Variants in TMPRSS15 observed in about 807,000 individuals in gnomAD.
The protein encoded by TMPRSS15 is transmembrane serine protease 15.
In TMPRSS15, 128 loss-of-function variants were observed where a neutral mutation model predicts 125.3. The observed-to-expected ratio is 1.02, with a 90% CI of 0.89 to 1.18. The LOEUF (loss-of-function observed/expected upper bound fraction) is 1.18. Among genes scored for constraint, TMPRSS15 ranks in the 50% most tolerant of loss-of-function variants. TMPRSS15 has a pLI of 0.00. For synonymous variants in TMPRSS15, 446 were observed against 423.2 expected (o/e 1.05, Z -0.66); for missense variants, 1,283 against 1,212.7 (o/e 1.06, Z -0.86).
intron 18 of TMPRSS15, among the ~76,000 whole-genome samples, chr21:18,300,216 TTCTC>T (rs2074953032): frequency 6.6e-6 from 1 of 150,920 alleles, no homozygotes; most frequent in African/African-American, 2.4e-5. Flanking sequence ...TTCTTTTTCT[TTCTC>T]TCTTTTTCTT....
At chr21:18,305,076 C>G (rs1408076285) in intron 18 of TMPRSS15, among the ~76,000 whole-genome samples, 1 of 151,912 alleles carries the variant, frequency 6.6e-6, no homozygotes, top group African/African-American at 2.4e-5. Flanking sequence ...CTCTAGAATG[C>G]ACCTGAATTA....
chr21:18,279,366 C>T lies in TMPRSS15; in HGVS notation c.2669-307G>A, dbSNP rs530638217. ...TTTGAGACGGAGTCTCACTCGGTCG[C>T]CCAGGCTGGAGTGCAGTGGTGCGAT... is the stretch of plus-strand genomic sequence containing the variant. On this transcript the variant is annotated intron_variant, in intron 22 of 24. Transcript: ENST00000284885. Among the ~76,000 whole-genome samples, 15 of 129,590 alleles carry T rather than the reference C, an allele frequency of 1.2e-4. No individual in the cohort carries two copies. The East Asian group carries it at 2.9e-3, about 25-fold the overall frequency. The allele number at this position is 129,590 out of a possible 152,430, so 85.0% of individuals were successfully genotyped here.
chr21:18,436,206 TC>T (rs1217989055), intron 1 of TMPRSS15, among the ~76,000 whole-genome samples: 4 of 151,076 alleles, frequency 2.6e-5, no homozygotes, highest in Admixed American at 6.6e-5. Flanking sequence ...CTTTTCTAGT[TC>T]TTTTAATTAT....
chr21:18,313,054 T>C lies in TMPRSS15; in HGVS notation c.2056A>G (p.Asn686Asp). Reference sequence around the variant, plus strand: ...CTGAACCGCACTAAACCATTGTTGTTCGTTGTGCCATTGAAAAAACGCACT... The same window carrying C: ...CTGAACCGCACTAAACCATTGTTGTCCGTTGTGCCATTGAAAAAACGCACT... ...DCVRFFNGTTNNNGLVRFRIQ... is the reference protein window; with the variant it reads ...DCVRFFNGTTDNNGLVRFRIQ... Residue 686 changes from asparagine (N) to aspartate (D), a missense_variant, in exon 18 of 25, where the codon AAC becomes GAC. Transcript: ENST00000284885. The C allele has an allele frequency of 6.2e-7, 1 of 1,613,976 alleles. No individual in the cohort carries two copies. Among genetic ancestry groups the C allele is most frequent in the Admixed American group, 1.7e-5 (1 of 59,998 alleles).
intron 6 of TMPRSS15, among the ~76,000 whole-genome samples, chr21:18,369,973 C>CAA (rs148057792): frequency 0.47 from 63,535 of 135,934 alleles, 15,228 homozygotes; most frequent in Middle Eastern, 0.56. Flanking sequence ...CTTACTTAAA[C>CAA]GAAAAAAAAA....
intron 7 of TMPRSS15, among the ~76,000 whole-genome samples, chr21:18,364,757 C>A (rs961456961): frequency 6.6e-5 from 10 of 152,254 alleles, no homozygotes; most frequent in African/African-American, 2.2e-4. Context: ...GAGATTTCCA[C>A]ATGGTAAGCA....
chr21:18,428,908 C>T (rs2076210187), intron 1 of TMPRSS15, among the ~76,000 whole-genome samples: 2 of 152,108 alleles, frequency 1.3e-5, no homozygotes, highest in African/African-American at 4.8e-5. Context: ...ATGGTATATC[C>T]ACCAACAGCT....
chr21:18,417,431 T>C (rs2076182859), intron 1 of TMPRSS15, among the ~76,000 whole-genome samples: 2 of 152,272 alleles, frequency 1.3e-5, no homozygotes, highest in African/African-American at 4.8e-5. Flanking sequence ...GGCATGAATA[T>C]GTCCTAAAAC....
intron 1 of TMPRSS15, among the ~76,000 whole-genome samples, chr21:18,433,769 C>CT (rs1424279542): frequency 6.6e-6 from 1 of 151,358 alleles, no homozygotes; most frequent in Non-Finnish European, 1.5e-5. Flanking sequence ...TACCTTCTAG[C>CT]TGTTATTATT....
At chr21:18,442,517 A>G (rs960814465) in intron 1 of TMPRSS15, among the ~76,000 whole-genome samples, 4 of 152,204 alleles carry the variant, frequency 2.6e-5, no homozygotes, top group African/African-American at 9.6e-5. Flanking sequence ...AAAGTAATCA[A>G]TGCTAGGTTT....
chr21:18,447,566 C>G (rs13046294), intron 1 of TMPRSS15, among the ~76,000 whole-genome samples: 46,642 of 151,824 alleles, frequency 0.31, 9,201 homozygotes, highest in Middle Eastern at 0.47. Context: ...TTCTGATAAT[C>G]CCCACATGTT....
chr21:18,316,644 AG>A (rs1227781166), intron 16 of TMPRSS15, among the ~76,000 whole-genome samples: 1 of 152,218 alleles, frequency 6.6e-6, no homozygotes, highest in Non-Finnish European at 1.5e-5. Flanking sequence ...TGGGCAAAGA[AG>A]AAACTGGGTA....
At chr21:18,483,766 C>A (rs1240240453) in intron 1 of TMPRSS15, among the ~76,000 whole-genome samples, 1 of 151,780 alleles carries the variant, frequency 6.6e-6, no homozygotes, top group Admixed American at 6.6e-5. Context: ...AGCATTTATA[C>A]AAAAAATGCA....
intron 1 of TMPRSS15, among the ~76,000 whole-genome samples, chr21:18,459,104 T>C (rs996385568): frequency 2.0e-5 from 3 of 152,166 alleles, no homozygotes; most frequent in Non-Finnish European, 4.4e-5. Context: ...GTGTACAAGG[T>C]CAAGTTTAGT....
At chr21:18,414,672 C>T (rs941257302) in intron 1 of TMPRSS15, among the ~76,000 whole-genome samples, 9 of 152,128 alleles carry the variant, frequency 5.9e-5, no homozygotes, top group African/African-American at 2.2e-4. Context: ...CACGTTGTTG[C>T]AAAAAGCAGA....
intron 12 of TMPRSS15, among the ~76,000 whole-genome samples, chr21:18,343,260 G>A (rs1031878333): frequency 6.6e-6 from 1 of 152,206 alleles, no homozygotes; most frequent in South Asian, 2.1e-4. Flanking sequence ...AGACTTCGAT[G>A]TATTTTATGG....
chr21:18,435,482 C>T (rs570185719), intron 1 of TMPRSS15, among the ~76,000 whole-genome samples: 26 of 152,166 alleles, frequency 1.7e-4, no homozygotes, highest in East Asian at 1.5e-3. Context: ...GGATGAAGCC[C>T]ACTTGTTCAT....
rs1555911472 is a variant in TMPRSS15, at chr21:18,413,348, C to CT, written c.11-15020dup. Among the ~76,000 whole-genome samples, 92 of 131,466 alleles carry CT rather than the reference C, an allele frequency of 7.0e-4. 1 individual carries two copies. The highest frequency in any genetic ancestry group is 2.6e-3 in the African/African-American group (89 of 33,700). 86.2% of individuals were successfully genotyped at this position (131,466 alleles called of 152,430 possible). ...CCTTCCTTCCTTCCTTCCTTCCTTC[C>CT]TTCCTTCCTTCCTTTCCTTCCTTCC... On this transcript the variant is annotated intron_variant, in intron 1 of 7. Transcript: ENST00000422787.
intron 3 of TMPRSS15, among the ~76,000 whole-genome samples, chr21:18,387,839 T>G (rs2075958942): frequency 6.6e-6 from 1 of 152,140 alleles, no homozygotes; most frequent in Non-Finnish European, 1.5e-5. Flanking sequence ...TTTAAAGGAT[T>G]TATAGATATA....
Sources: gnomAD v4.1 joint callset for allele counts (sites outside exome capture counted in the v4.1 genomes callset) on GRCh38, gnomAD v4.1.1 for gene constraint, MANE v1.5 for transcripts, NCBI Gene and HGNC (gene_info 2026-07-23, HGNC 2026-07-21) for gene names.